Variants in CREB5 observed in about 807,000 individuals in gnomAD.
The protein encoded by CREB5 is cAMP responsive element binding protein 5.
In CREB5, 19 loss-of-function variants were observed where a neutral mutation model predicts 57.1. The ratio of observed to expected loss-of-function variants is 0.33; its 90% CI spans 0.23 to 0.49. CREB5 has a LOEUF of 0.49. Ranked by LOEUF, CREB5 falls within the 20% of genes least tolerant of loss-of-function variation. The pLI, the probability that CREB5 is intolerant of heterozygous loss-of-function variation, is 0.99. For synonymous variants in CREB5, 238 were observed against 238.3 expected (o/e 1.00, Z 0.01); for missense variants, 579 against 671.6 (o/e 0.86, Z 1.52).
At chr7:28,499,949 G>T (rs1792208860) in intron 3 of CREB5, among the ~76,000 whole-genome samples, 1 of 152,158 alleles carries the variant, frequency 6.6e-6, no homozygotes, top group South Asian at 2.1e-4. Context: ...AATGCTATAG[G>T]CAACTGGTCT....
In CREB5 at chr7:28,560,909, C is replaced by CGTGTGTGTGTGTGT. The variant is rs1268332483; in HGVS notation, c.292-9451_292-9450insTGTGTGTGTGTGTG. Among the ~76,000 whole-genome samples the CGTGTGTGTGTGTGT allele has an allele frequency of 1.7e-3, 57 of 32,660 alleles. 3 individuals are homozygous for CGTGTGTGTGTGTGT. Among genetic ancestry groups the CGTGTGTGTGTGTGT allele is most frequent in the South Asian group, 3.8e-3 (3 of 792 alleles). 21.4% of individuals were successfully genotyped at this position (32,660 alleles called of 152,430 possible). A position where few individuals can be genotyped will look rare whatever the true frequency, so the allele number is the denominator to read the frequency against. On this transcript the variant is annotated intron_variant, in intron 4 of 10. Transcript: ENST00000357727. ...GTGCGTGTGTGTGCGTGCGCGCGTG[C>CGTGTGTGTGTGTGT]GTGTGCGTGTGTGCGCGTGCGTGTG...
intron 1 of CREB5, among the ~76,000 whole-genome samples, chr7:28,368,185 C>T (rs1275490503): frequency 1.3e-5 from 2 of 152,114 alleles, no homozygotes; most frequent in African/African-American, 4.8e-5. Context: ...TAAGTGGGGG[C>T]TAAGCTATGG....
chr7:28,513,544 C>T lies in CREB5; in HGVS notation c.291+5807C>T, dbSNP rs1286150342. The T allele has an allele frequency of 7.8e-5, 11 of 141,880 alleles. No homozygotes were observed. The East Asian group carries it at 2.2e-3, about 29-fold the overall frequency. 8.8% of individuals were successfully genotyped at this position (141,880 alleles called of 1,614,324 possible). On this transcript the variant is annotated intron_variant, in intron 4 of 10. Transcript: ENST00000357727. The stretch of plus-strand genomic sequence containing the variant: ...TTCCACCACCCCAATGACTGAAAAC[C>T]CTAAGGCTTATATTATAAGGATTCT...
intron 5 of CREB5, among the ~76,000 whole-genome samples, chr7:28,621,901 A>T (rs1183548727): frequency 6.6e-6 from 1 of 152,210 alleles, no homozygotes; most frequent in Non-Finnish European, 1.5e-5. Context: ...CCTGTAATCC[A>T]AATAAACTAT....
intron 5 of CREB5, among the ~76,000 whole-genome samples, chr7:28,571,389 C>G (rs565433838): frequency 3.5e-4 from 54 of 152,246 alleles, no homozygotes; most frequent in African/African-American, 1.3e-3. Flanking sequence ...TCCTTACTAG[C>G]CCTCTCCTTC....
intron 1 of CREB5, among the ~76,000 whole-genome samples, chr7:28,368,736 C>T (rs1443475647): frequency 6.6e-6 from 1 of 152,104 alleles, no homozygotes; most frequent in Non-Finnish European, 1.5e-5. Flanking sequence ...TTTTAAATAG[C>T]AAATATTCTA....
intron 6 of CREB5, among the ~76,000 whole-genome samples, chr7:28,722,016 C>A (rs985290893): frequency 4.6e-5 from 7 of 152,196 alleles, no homozygotes; most frequent in Non-Finnish European, 1.0e-4. Flanking sequence ...TGAAGTCAAG[C>A]TCCTGGTGCA....
intron 1 of CREB5, among the ~76,000 whole-genome samples, chr7:28,396,383 G>A (rs1414646551): frequency 6.6e-6 from 1 of 152,038 alleles, no homozygotes; most frequent in Admixed American, 6.6e-5. Flanking sequence ...ATTTTAGGTG[G>A]TATTTTTGCA....
At chr7:28,743,838 CTT>C (rs58302393) in intron 7 of CREB5, among the ~76,000 whole-genome samples, 1,508 of 76,030 alleles carry the variant, frequency 0.02, 10 homozygotes, top group South Asian at 0.096. Context: ...ATCTCCTTTT[CTT>C]TTTTTTTTTT....
intron 5 of CREB5, among the ~76,000 whole-genome samples, chr7:28,624,843 AGTGCTTGG>A (rs1797942410): frequency 1.3e-5 from 2 of 152,100 alleles, no homozygotes; most frequent in Admixed American, 1.3e-4. Flanking sequence ...TGGGTCAGTG[AGTGCTTGG>A]AGCATCAGCT....
Position 28,709,863 on chromosome 7 carries a change from A to T in CREB5, c.465-8890A>T, listed in dbSNP as rs534821918. Reference sequence around the variant, plus strand: ...TCCAAAAGTGCCCTTGTCAATATCGATAAGTCCGTGCGAAGCAGAAATGAG... The same window carrying T: ...TCCAAAAGTGCCCTTGTCAATATCGTTAAGTCCGTGCGAAGCAGAAATGAG... On this transcript the variant is annotated intron_variant, in intron 5 of 10. Coordinates refer to ENST00000357727, the MANE Select transcript of CREB5 (RefSeq NM_182898.4). Among the ~76,000 whole-genome samples, 8 of 152,326 alleles carry T rather than the reference A, an allele frequency of 5.3e-5. No homozygotes were observed. The East Asian group carries it at 1.5e-3, about 29-fold the overall frequency.
intron 1 of CREB5, among the ~76,000 whole-genome samples, chr7:28,387,604 A>G (rs927597672): frequency 1.3e-5 from 2 of 152,010 alleles, no homozygotes; most frequent in African/African-American, 4.8e-5. Context: ...GACACATGTG[A>G]AAGAGCAACA....
At chr7:28,623,434 A>C (rs1363714171) in intron 5 of CREB5, among the ~76,000 whole-genome samples, 1 of 152,218 alleles carries the variant, frequency 6.6e-6, no homozygotes, top group Non-Finnish European at 1.5e-5. Context: ...ATCAAACTGC[A>C]TGATCTGAAA....
At chr7:28,347,024 A>C (rs1331804969) in intron 1 of CREB5, among the ~76,000 whole-genome samples, 1 of 152,170 alleles carries the variant, frequency 6.6e-6, no homozygotes, top group Non-Finnish European at 1.5e-5. Context: ...GGCCAAGACT[A>C]TTTGCATACT....
chr7:28,534,134 A>G (rs1481954319), intron 4 of CREB5, among the ~76,000 whole-genome samples: 1 of 152,194 alleles, frequency 6.6e-6, no homozygotes, highest in Non-Finnish European at 1.5e-5. Flanking sequence ...AGAAAAAAAT[A>G]AGGACGCTTT....
chr7:28,665,765 G>A (rs1799800234), intron 5 of CREB5, among the ~76,000 whole-genome samples: 4 of 152,070 alleles, frequency 2.6e-5, no homozygotes, highest in Admixed American at 2.0e-4. Flanking sequence ...TTAGCCTTCA[G>A]CTGCTTGGGA....
intron 7 of CREB5, among the ~76,000 whole-genome samples, chr7:28,798,044 A>T (rs961722835): frequency 3.9e-5 from 6 of 152,160 alleles, no homozygotes; most frequent in African/African-American, 1.2e-4. Context: ...ATATGAATTC[A>T]GATTTTGTCA....
intron 4 of CREB5, among the ~76,000 whole-genome samples, chr7:28,509,337 T>C (rs1792606849): frequency 6.6e-6 from 1 of 152,236 alleles, no homozygotes; most frequent in African/African-American, 2.4e-5. Flanking sequence ...ATTTCTTATA[T>C]GAAGCCCTGT....
intron 5 of CREB5, among the ~76,000 whole-genome samples, chr7:28,616,465 CT>C (rs374322860): frequency 0.02 from 2,967 of 147,738 alleles, 107 homozygotes; most frequent in African/African-American, 0.069. Flanking sequence ...AGAGAGATGC[CT>C]TTTTTTTTTA....
Sources: allele counts gnomAD v4.1 joint callset (sites outside exome capture counted in the v4.1 genomes callset), GRCh38; gene constraint gnomAD v4.1.1; transcripts MANE v1.5; gene names NCBI Gene and HGNC (gene_info 2026-07-23, HGNC 2026-07-21).